The following MICAL3 variants were observed in gnomAD, a reference collection of about 807,000 sequenced individuals.
MICAL3 encodes the protein [F-actin]-monooxygenase MICAL3.
Under a neutral mutation model 207.4 loss-of-function variants are expected in MICAL3, and 62 were observed. The ratio of observed to expected loss-of-function variants is 0.30; its 90% CI spans 0.24 to 0.37. The LOEUF is 0.37. MICAL3 is among the 10% of genes least tolerant of loss of function. The probability of loss-of-function intolerance (pLI) is 1.00; values close to 1 mark genes in which losing one functional copy is unlikely to be tolerated. For missense variants in MICAL3, 2,368 were observed against 2,635.6 expected (o/e 0.90, Z 2.22); for synonymous variants, 1,077 against 1,069.3 (o/e 1.01, Z -0.14).
intron 1 of MICAL3, among the ~76,000 whole-genome samples, chr22:17,953,015 A>G (rs574885673): frequency 5.6e-4 from 86 of 152,334 alleles, no homozygotes; most frequent in Non-Finnish European, 1.0e-3. Context: ...CATCCCTGAC[A>G]TCGGGAAAGT....
chr22:17,930,231 T>C (rs1483816017), intron 1 of MICAL3, among the ~76,000 whole-genome samples: 1 of 152,216 alleles, frequency 6.6e-6, no homozygotes. Flanking sequence ...ACAACCACTA[T>C]GGAAAATTGT....
Position 17,818,466 on chromosome 22 carries a change from A to G in MICAL3, c.4195T>C (p.Leu1399=). The G allele has an allele frequency of 6.2e-7, 1 of 1,612,796 alleles. No individual in the cohort carries two copies. Among genetic ancestry groups the G allele is most frequent in the African/African-American group, 1.3e-5 (1 of 75,062 alleles). Residue 1399 remains leucine (L), a synonymous_variant, in exon 26 of 32, where the codon TTG becomes CTG. Transcript: ENST00000441493. ...LGLPKPEGEP[L]SLPTPRSPSD... is the part of the protein sequence containing the mutation. ...GGGGACCGGGGGGTTGGCAGGGACAACGGCTCGCCTTCCGGCTTTGGCAGG... is the reference window on the plus strand; with the variant it reads ...GGGGACCGGGGGGTTGGCAGGGACAGCGGCTCGCCTTCCGGCTTTGGCAGG...
At chr22:17,920,512 G>A (rs1392996296) in intron 1 of MICAL3, among the ~76,000 whole-genome samples, 2 of 152,138 alleles carry the variant, frequency 1.3e-5, no homozygotes, top group Admixed American at 6.5e-5. Flanking sequence ...TGGCTGCAGC[G>A]CTTCCTGGAA....
intron 16 of MICAL3, chr22:17,876,819 AGGGAGG>A (rs1928491783): frequency 5.7e-5 from 7 of 122,620 alleles, no homozygotes; most frequent in South Asian, 2.5e-4. Context: ...TAGGGAGGTT[AGGGAGG>A]TTATGGAGGT....
chr22:17,870,790 G>C (rs1205270411), intron 17 of MICAL3, among the ~76,000 whole-genome samples: 2 of 152,094 alleles, frequency 1.3e-5, no homozygotes, highest in Non-Finnish European at 2.9e-5. Flanking sequence ...CCCCGACTCG[G>C]GAGTGCTTTT....
intron 1 of MICAL3, among the ~76,000 whole-genome samples, chr22:17,967,484 A>ACG: frequency 7.5e-6 from 1 of 133,788 alleles, no homozygotes; most frequent in South Asian, 2.3e-4. Context: ...ACACACACAC[A>ACG]CACACACACC....
intron 29 of MICAL3, among the ~76,000 whole-genome samples, chr22:17,795,768 C>T (rs539588777): frequency 4.6e-5 from 7 of 152,332 alleles, no homozygotes; most frequent in South Asian, 2.1e-4. Flanking sequence ...ACTTCCACAA[C>T]GGGCGAGGCT....
chr22:17,902,225 CCT>C lies in MICAL3; in HGVS notation c.590-248_590-247del, dbSNP rs995716266. ...ACCACCCTGGCCAGCATGGTGAAAC[CCT>C]GTCTCTACTAAAATACAAAAATTAG... is the stretch of plus-strand genomic sequence containing the variant. On this transcript the variant is annotated intron_variant, in intron 4 of 31. Coordinates refer to ENST00000441493, the MANE Select transcript of MICAL3 (RefSeq NM_015241.3). This position sits in a 1 kb window ranked among gnomAD's most constrained non-coding sequence, Gnocchi z 4.5. 2.6e-5 allele frequency among the ~76,000 whole-genome samples: 4 copies of C among 152,196 alleles called. No homozygotes were observed. Among genetic ancestry groups the C allele is most frequent in the African/African-American group, 7.2e-5 (3 of 41,442 alleles).
At chr22:17,791,385 G>C (rs2061823142) in intron 29 of MICAL3, 84 bp from the exon 30 acceptor site, 13 of 1,190,874 alleles carry the variant, frequency 1.1e-5, no homozygotes, top group Non-Finnish European at 1.6e-5. Flanking sequence ...AATGTGCAAA[G>C]AGGGCCGAGC....
chr22:17,889,310 CCTTT>C, intron 12 of MICAL3, 80 bp from the exon 13 acceptor site: 1 of 1,063,440 alleles, frequency 9.4e-7, no homozygotes, highest in Non-Finnish European at 1.4e-6. Flanking sequence ...GAGTCATCGT[CCTTT>C]CTCTGTTTTC....
intron 1 of MICAL3, among the ~76,000 whole-genome samples, chr22:18,023,412 C>T (rs1453111003): frequency 6.6e-6 from 1 of 150,474 alleles, no homozygotes; most frequent in Non-Finnish European, 1.5e-5. Context: ...TACAGCTTGT[C>T]TCGGTTTCAC....
intron 29 of MICAL3, among the ~76,000 whole-genome samples, chr22:17,806,785 AG>A (rs2061993660): frequency 1.3e-5 from 2 of 152,322 alleles, no homozygotes; most frequent in Admixed American, 1.3e-4. Flanking sequence ...CCACTGACTT[AG>A]ACGGCATTTG....
At chr22:17,884,138 C>T in intron 16 of MICAL3, 1 of 553,296 alleles carries the variant, frequency 1.8e-6, no homozygotes, top group Non-Finnish European at 3.2e-6. Context: ...CCCAGAGCTA[C>T]TACTCGAATG....
intron 1 of MICAL3, among the ~76,000 whole-genome samples, chr22:18,021,916 A>G (rs1187805798): frequency 6.6e-6 from 1 of 152,200 alleles, no homozygotes; most frequent in Non-Finnish European, 1.5e-5. Flanking sequence ...ACCATCATTT[A>G]TACCTATCTC....
At position 17,864,615 on chromosome 22, in the gene MICAL3, A is replaced by C. The variant is rs1201420871; in HGVS notation, c.2605+284T>G. ...TGATGGTGCGGGACGGGGCTGAGGG[A>C]CAGCACTTCACGGCTCTGCCGCCCA... On this transcript the variant is annotated intron_variant, in intron 19 of 31. Coordinates refer to ENST00000441493, the MANE Select transcript of MICAL3 (RefSeq NM_015241.3). 2.6e-6 allele frequency: 4 copies of C among 1,546,086 alleles called. No individual in the cohort carries two copies. The East Asian group carries it at 9.5e-5, about 37-fold the overall frequency.
chr22:17,930,173 C>T (rs554864393), intron 1 of MICAL3, among the ~76,000 whole-genome samples: 7 of 152,276 alleles, frequency 4.6e-5, no homozygotes, highest in Admixed American at 1.3e-4. Context: ...GAGTAGGCAA[C>T]GATAGGGAAC....
intron 29 of MICAL3, among the ~76,000 whole-genome samples, chr22:17,795,727 C>T (rs947983045): frequency 2.6e-5 from 4 of 152,226 alleles, no homozygotes; most frequent in Admixed American, 6.5e-5. Context: ...GCTGCGGGGC[C>T]GCTACCTTCG....
intron 19 of MICAL3, among the ~76,000 whole-genome samples, chr22:17,856,434 C>A (rs1178275191): frequency 1.3e-5 from 2 of 152,018 alleles, no homozygotes; most frequent in Non-Finnish European, 2.9e-5. Context: ...CTCTAAGCAC[C>A]CAGTGCTTCC....
intron 17 of MICAL3, among the ~76,000 whole-genome samples, chr22:17,866,620 GAATAGAATA>G (rs1569103099): frequency 5.2e-5 from 7 of 135,838 alleles, no homozygotes; most frequent in African/African-American, 1.7e-4. Context: ...GAACAGAATA[GAATAGAATA>G]GAATAGAATA....
Sources: gnomAD v4.1 joint callset for allele counts (sites outside exome capture counted in the v4.1 genomes callset) on GRCh38, gnomAD v4.1.1 for gene constraint, Gnocchi (gnomAD v3.1) non-coding constraint, MANE v1.5 for transcripts, NCBI Gene and HGNC (gene_info 2026-07-23, HGNC 2026-07-21) for gene names.